Variants in MARK1 observed in about 807,000 individuals in gnomAD.
The protein encoded by MARK1 is microtubule affinity regulating kinase 1.
A neutral mutation model predicts 96.3 loss-of-function variants in MARK1; 40 were observed. That is an observed-to-expected ratio of 0.42 (90% confidence interval 0.32 to 0.54). MARK1 has a LOEUF of 0.54. Among genes scored for constraint, MARK1 ranks in the 20% least tolerant of loss-of-function variants. MARK1 has a pLI of 0.16. For missense variants in MARK1, 719 were observed against 984.6 expected, an observed-to-expected ratio of 0.73 and a Z score of 3.61; for synonymous variants, 317 against 341.2, an observed-to-expected ratio of 0.93 and a Z score of 0.78.
chr1:220,635,582 G>C (rs1667917310), intron 12 of MARK1, 53 bp downstream of exon 12: 2 of 1,565,498 alleles, frequency 1.3e-6, no homozygotes, highest in African/African-American at 2.7e-5. Context: ...TCCCAAATTT[G>C]TGTTTTTAAA....
chr1:220,594,868 A>G (rs1199625142), intron 3 of MARK1, among the ~76,000 whole-genome samples: 5 of 152,196 alleles, frequency 3.3e-5, no homozygotes, highest in African/African-American at 9.6e-5. Flanking sequence ...GTTAGGGAAA[A>G]GGGAGGGATG....
At chr1:220,638,217 C>A (rs553701347) in intron 13 of MARK1, among the ~76,000 whole-genome samples, 25 of 151,750 alleles carry the variant, frequency 1.6e-4, no homozygotes, top group African/African-American at 6.1e-4. Flanking sequence ...TGGTCCCGTA[C>A]TTTCTACCAT....
At chr1:220,621,463 A>G (rs1251139203) in intron 9 of MARK1, among the ~76,000 whole-genome samples, 1 of 152,118 alleles carries the variant, frequency 6.6e-6, no homozygotes. Context: ...TGATTCAATA[A>G]TGGATACAAA....
At chr1:220,610,800 A>G (rs151096467) in intron 6 of MARK1, among the ~76,000 whole-genome samples, 10,078 of 152,122 alleles carry the variant, frequency 0.066, 397 homozygotes, top group Middle Eastern at 0.15. Flanking sequence ...TTTCCTTCTA[A>G]CAGTCAGGTT....
intron 1 of MARK1, among the ~76,000 whole-genome samples, chr1:220,568,375 A>C (rs1409959124): frequency 5.9e-5 from 9 of 152,166 alleles, no homozygotes; most frequent in African/African-American, 1.2e-4. Context: ...GGGTACATCT[A>C]GAGCAAACGA....
intron 1 of MARK1, among the ~76,000 whole-genome samples, chr1:220,540,648 C>G (rs889523090): frequency 2.6e-5 from 4 of 152,048 alleles, no homozygotes; most frequent in African/African-American, 9.7e-5. Flanking sequence ...ATGGTAGTAT[C>G]TTATATCGTT....
intron 9 of MARK1, among the ~76,000 whole-genome samples, chr1:220,620,044 G>A (rs1203701150): frequency 6.6e-6 from 1 of 152,180 alleles, no homozygotes; most frequent in Non-Finnish European, 1.5e-5. Flanking sequence ...TTTTTCAGTA[G>A]AGGATACAGC....
Position 220,528,751 on chromosome 1 carries a change from C to G in MARK1, c.-72C>G. On this transcript the variant is annotated 5_prime_UTR_variant, in exon 1 of 18. Coordinates refer to ENST00000366917, the MANE Select transcript of MARK1 (RefSeq NM_018650.5). Reference sequence around the variant, plus strand: ...CTTGTGCTCGCGTCCGCACCCCTTTCCTGTCGCCCCCCGGGGCCCGCACCA... The same window carrying G: ...CTTGTGCTCGCGTCCGCACCCCTTTGCTGTCGCCCCCCGGGGCCCGCACCA... 3.4e-6 allele frequency: 5 copies of G among 1,451,156 alleles called. No individual in the cohort carries two copies. The highest frequency in any genetic ancestry group is 4.7e-6 in the Non-Finnish European group (5 of 1,068,868). The allele number at this position is 1,451,156 out of a possible 1,614,324, so 89.9% of individuals were successfully genotyped here.
chr1:220,587,776 T>C (rs1335741856), intron 3 of MARK1, among the ~76,000 whole-genome samples: 1 of 152,220 alleles, frequency 6.6e-6, no homozygotes, highest in Non-Finnish European at 1.5e-5. Flanking sequence ...ATTTTCCTGT[T>C]AGTGGATTTT....
At chr1:220,586,297 A>G (rs955594462) in intron 3 of MARK1, among the ~76,000 whole-genome samples, 3 of 151,950 alleles carry the variant, frequency 2.0e-5, no homozygotes, top group African/African-American at 7.3e-5. Context: ...ACTCTATTCC[A>G]GTTACCAGGC....
chr1:220,569,842 T>A (rs1663318325), intron 1 of MARK1, among the ~76,000 whole-genome samples: 1 of 152,122 alleles, frequency 6.6e-6, no homozygotes, highest in Non-Finnish European at 1.5e-5. Context: ...TTTATAGATG[T>A]CAGTAAGCCA....
chr1:220,582,031 TC>T (rs1664278248), intron 3 of MARK1, among the ~76,000 whole-genome samples: 1 of 152,166 alleles, frequency 6.6e-6, no homozygotes, highest in Non-Finnish European at 1.5e-5. Flanking sequence ...ACAGAAAGAA[TC>T]TTATAAGAAA....
chr1:220,579,400 A>G lies in MARK1; in HGVS notation c.98A>G (p.Lys33Arg). The G allele has an allele frequency of 6.2e-7, 1 of 1,614,120 alleles. No individual in the cohort carries two copies. ...ACTGAACCACACATCCAGCCTACCA[A>G]GTCGAGTAGCAGACAGAACATCCCC... ...GYTEPHIQPT[K>R]SSSRQNIPRC... is the part of the protein sequence containing the mutation. Residue 33 changes from lysine (K) to arginine (R), a missense_variant, in exon 2 of 18, where the codon AAG becomes AGG. This residue lies in a region of MARK1 where 105 missense variants were observed against 133.4 expected (regional missense o/e 0.79). Transcript: ENST00000366917.
At chr1:220,581,906 C>T (rs1227796005) in intron 3 of MARK1, among the ~76,000 whole-genome samples, 1 of 152,090 alleles carries the variant, frequency 6.6e-6, no homozygotes, top group Non-Finnish European at 1.5e-5. Flanking sequence ...AACATTTATG[C>T]TGTATGTGAT....
At chr1:220,533,163 A>G (rs1030166801) in intron 1 of MARK1, among the ~76,000 whole-genome samples, 11 of 152,190 alleles carry the variant, frequency 7.2e-5, no homozygotes, top group African/African-American at 2.4e-4. Context: ...TATCAAATTT[A>G]CAAATCCTTT....
intron 3 of MARK1, among the ~76,000 whole-genome samples, chr1:220,596,716 AC>A (rs1665384278): frequency 6.6e-6 from 1 of 152,324 alleles, no homozygotes; most frequent in African/African-American, 2.4e-5. Flanking sequence ...AATATACCTA[AC>A]AAAACTTACC....
rs182527294 is a variant in MARK1, at chr1:220,590,722, A to G, written c.310-7609A>G. Among the ~76,000 whole-genome samples the G allele has an allele frequency of 1.0e-3, 159 of 152,260 alleles. 4 individuals carry two copies. Among genetic ancestry groups the G allele is most frequent in the Non-Finnish European group, 2.1e-4 (14 of 68,012 alleles). On this transcript the variant is annotated intron_variant, in intron 3 of 17. Transcript: ENST00000366917. ...CCTTACTCAATATACCATGTAAAAC[A>G]TCCTAATGTTCCTTCTTACAGCAAC... is the stretch of plus-strand genomic sequence containing the variant.
At chr1:220,634,256 AT>A (rs1489538539) in intron 11 of MARK1, among the ~76,000 whole-genome samples, 1 of 152,234 alleles carries the variant, frequency 6.6e-6, no homozygotes, top group Non-Finnish European at 1.5e-5. Flanking sequence ...AGAAGCACTA[AT>A]TTTATAAGTA....
intron 11 of MARK1, among the ~76,000 whole-genome samples, chr1:220,634,449 G>T (rs114354060): frequency 6.6e-6 from 1 of 152,074 alleles, no homozygotes; most frequent in Non-Finnish European, 1.5e-5. Context: ...TTAATTTTCT[G>T]TGCCTCAGTT....
Sources: gnomAD v4.1 joint callset for allele counts (sites outside exome capture counted in the v4.1 genomes callset) on GRCh38, gnomAD v4.1.1 for gene constraint, gnomAD v4.1.1 regional missense constraint, MANE v1.5 for transcripts, NCBI Gene and HGNC (gene_info 2026-07-23, HGNC 2026-07-21) for gene names.